FBRSL1: variants seen among roughly 807,000 people sequenced by gnomAD.
FBRSL1 encodes fibrosin like 1, also known as fibrosin-1-like protein.
A neutral mutation model predicts 89.6 loss-of-function variants in FBRSL1; 51 were observed. The observed-to-expected ratio is 0.57, with a 90% CI of 0.45 to 0.72. The LOEUF (loss-of-function observed/expected upper bound fraction) is 0.72, where lower values mean the gene tolerates loss of function less well. Among genes scored for constraint, FBRSL1 ranks in the 30% least tolerant of loss-of-function variants. FBRSL1 has a pLI of 0.00. For missense variants in FBRSL1, 1,618 were observed against 1,451.8 expected (o/e 1.11, Z -1.86); for synonymous variants, 779 against 681.1 (o/e 1.14, Z -2.24).
chr12:132,537,504 G>C (rs576915862), intron 4 of FBRSL1, among the ~76,000 whole-genome samples: 1 of 152,318 alleles, frequency 6.6e-6, no homozygotes, highest in Non-Finnish European at 1.5e-5. Context: ...ATTTGTGGCA[G>C]TCGCGACTTG....
chr12:132,547,458 C>T (rs374734754), intron 4 of FBRSL1, among the ~76,000 whole-genome samples: 6 of 152,320 alleles, frequency 3.9e-5, no homozygotes, highest in South Asian at 2.1e-4. Flanking sequence ...GCCCTCCGTG[C>T]GCTGCCAGCC....
chr12:132,511,799 G>A (rs980629571), intron 2 of FBRSL1: 2 of 985,358 alleles, frequency 2.0e-6, no homozygotes, highest in Non-Finnish European at 2.4e-6. Flanking sequence ...CCAGCCTCTG[G>A]TGCAGCATCT....
At position 132,499,128 on chromosome 12, in the gene FBRSL1, C is replaced by T. The variant is rs532585875; in HGVS notation, c.291+8267C>T. Among the ~76,000 whole-genome samples, 116 of 152,350 alleles carry T rather than the reference C, an allele frequency of 7.6e-4. 6 individuals are homozygous for T. The South Asian group carries it at 0.022, about 29-fold the overall frequency. The stretch of plus-strand genomic sequence containing the variant: ...GGGACTGGTGGGCCTCATCCGGCCT[C>T]GGCAGCCGCCCCGCCCATTCCAGAT... On this transcript the variant is annotated intron_variant, in intron 1 of 18. Coordinates refer to ENST00000680143, the MANE Select transcript of FBRSL1 (RefSeq NM_001367871.1). The surrounding 1 kb of genome is among the most constrained non-coding windows in gnomAD (Gnocchi z 4.3).
intron 4 of FBRSL1, among the ~76,000 whole-genome samples, chr12:132,543,296 C>G (rs1258332429): frequency 6.6e-6 from 1 of 152,244 alleles, no homozygotes; most frequent in African/African-American, 2.4e-5. Flanking sequence ...AACGAAGAGA[C>G]CTTTGCCACG....
chr12:132,578,366 C>CACACACACACACACACACACACACAA (rs1257586074), intron 15 of FBRSL1, among the ~76,000 whole-genome samples: 2 of 151,936 alleles, frequency 1.3e-5, no homozygotes, highest in East Asian at 1.9e-4. Flanking sequence ...CACACACACA[C>CACACACACACACACACACACACACAA]AAAATCATAG....
chr12:132,525,706 C>T lies in FBRSL1; in HGVS notation c.490-28C>T, dbSNP rs1042490063. 2 of 1,524,130 alleles carry T rather than the reference C, an allele frequency of 1.3e-6. 1 individual carries two copies. Among genetic ancestry groups the T allele is most frequent in the Middle Eastern group, 3.4e-4 (2 of 5,912 alleles). The allele number at this position is 1,524,130 out of a possible 1,614,324, so 94.4% of individuals were successfully genotyped here. On this transcript the variant is annotated intron_variant, in intron 2 of 18. Coordinates refer to ENST00000680143, the MANE Select transcript of FBRSL1 (RefSeq NM_001367871.1). ...GCGGACGCGGTGAGGTGGGGGTTTG[C>T]CTGAGACAGTGTCTCTCTCTGTCCC...
At chr12:132,531,138 G>A (rs1208320851) in intron 4 of FBRSL1, among the ~76,000 whole-genome samples, 1 of 152,124 alleles carries the variant, frequency 6.6e-6, no homozygotes, top group Non-Finnish European at 1.5e-5. Context: ...CCACCCCAGG[G>A]GTGGAGGACC....
intron 5 of FBRSL1, among the ~76,000 whole-genome samples, chr12:132,548,842 CGGCCCTGCAGA>C (rs1384536977): frequency 6.6e-6 from 1 of 152,206 alleles, no homozygotes; most frequent in African/African-American, 2.4e-5. Context: ...GCCTCAGGGA[CGGCCCTGCAGA>C]GGCCCGAGGC....
chr12:132,560,007 A>T (rs550342527), intron 5 of FBRSL1: 11 of 148,396 alleles, frequency 7.4e-5, no homozygotes, highest in African/African-American at 1.2e-4. Context: ...GCCGCGCCCG[A>T]CGTCCGCCCG....
chr12:132,495,698 A>G (rs1338452360), intron 1 of FBRSL1, among the ~76,000 whole-genome samples: 3 of 152,178 alleles, frequency 2.0e-5, no homozygotes, highest in Non-Finnish European at 4.4e-5. Flanking sequence ...CCTCCCACAG[A>G]GTCCCACAGC....
chr12:132,511,247 C>T (rs1323304101), intron 2 of FBRSL1: 1 of 985,384 alleles, frequency 1.0e-6, no homozygotes, highest in African/African-American at 1.7e-5. Context: ...GAAGGGTTGC[C>T]TGCAGGGTCT....
intron 15 of FBRSL1, among the ~76,000 whole-genome samples, chr12:132,578,143 T>C (rs1399516701): frequency 1.3e-5 from 2 of 152,256 alleles, no homozygotes; most frequent in African/African-American, 4.8e-5. Context: ...TATGATGGAC[T>C]GTATTCTTAC....
At chr12:132,509,621 G>C (rs2034094776) in intron 2 of FBRSL1, 3 of 1,230,732 alleles carry the variant, frequency 2.4e-6, no homozygotes, top group African/African-American at 1.6e-5. Flanking sequence ...GGTCCCTCCT[G>C]GTCCCCTGCC....
chr12:132,541,721 T>C (rs2037286572), intron 4 of FBRSL1, among the ~76,000 whole-genome samples: 1 of 152,252 alleles, frequency 6.6e-6, no homozygotes, highest in Admixed American at 6.5e-5. Flanking sequence ...CGCCAGCCCC[T>C]GTCCCTTATT....
intron 11 of FBRSL1, 78 bp from the exon 12 acceptor site, chr12:132,574,012 G>A (rs558848335): frequency 2.0e-4 from 204 of 1,033,866 alleles, no homozygotes; most frequent in Non-Finnish European, 2.4e-4. Flanking sequence ...ACAGGCCCAC[G>A]CCAGAACCAG....
chr12:132,503,692 C>G (rs899913280), intron 1 of FBRSL1, among the ~76,000 whole-genome samples: 4 of 152,322 alleles, frequency 2.6e-5, no homozygotes, highest in Admixed American at 2.6e-4. Context: ...CCACAGGTCC[C>G]GGGTATGGGA....
chr12:132,561,188 C>T (rs1341790333), intron 5 of FBRSL1, among the ~76,000 whole-genome samples: 1 of 152,212 alleles, frequency 6.6e-6, no homozygotes, highest in Non-Finnish European at 1.5e-5. Context: ...GCCGAGGACC[C>T]CTGGAGCACC....
chr12:132,505,952 C>T (rs2033634601), intron 1 of FBRSL1, among the ~76,000 whole-genome samples: 1 of 152,256 alleles, frequency 6.6e-6, no homozygotes, highest in South Asian at 2.1e-4. Context: ...CTGTTCTCTG[C>T]AGTGAGCGTG....
chr12:132,490,907 G>A (rs1319233667), intron 1 of FBRSL1, 46 bp downstream of exon 1: 3 of 1,172,648 alleles, frequency 2.6e-6, no homozygotes, highest in South Asian at 1.8e-5. Flanking sequence ...CGAGAACGGG[G>A]CCCGGAGTTG....
Sources: gnomAD v4.1 joint callset for allele counts (sites outside exome capture counted in the v4.1 genomes callset) on GRCh38, gnomAD v4.1.1 for gene constraint, Gnocchi (gnomAD v3.1) non-coding constraint, MANE v1.5 for transcripts, NCBI Gene and HGNC (gene_info 2026-07-23, HGNC 2026-07-21) for gene names.